BOP1: variants seen among roughly 807,000 people sequenced by gnomAD.
The protein encoded by BOP1 is BOP1 ribosomal biogenesis factor.
BOP1 carries 54 observed loss-of-function variants against 82.9 expected under a neutral mutation model. That is an observed-to-expected ratio of 0.65 (90% confidence interval 0.52 to 0.82). The LOEUF (loss-of-function observed/expected upper bound fraction) is 0.82, where lower values mean the gene tolerates loss of function less well. BOP1 is among the 40% of genes least tolerant of loss of function. The probability of loss-of-function intolerance (pLI) is 0.00; values close to 1 mark genes in which losing one functional copy is unlikely to be tolerated. For synonymous variants in BOP1, 566 were observed against 451.1 expected (o/e 1.25, Z -3.23); for missense variants, 1,170 against 1,072.0 (o/e 1.09, Z -1.28).
At chr8:144,266,694 C>G in intron 3 of BOP1, 1 of 1,240,022 alleles carries the variant, frequency 8.1e-7, no homozygotes, top group Non-Finnish European at 1.0e-6. Flanking sequence ...AGGACGAGGA[C>G]CGCGGCAGCG....
Position 144,280,939 on chromosome 8 carries a change from G to C in BOP1, c.310-4635C>G, listed in dbSNP as rs1341594049. ...ATACCAGGTCTTAGGCCTTCTCTCAGTTTAATACCAGGTCTTTGGCCTTCT... is the reference window on the plus strand; with the variant it reads ...ATACCAGGTCTTAGGCCTTCTCTCACTTTAATACCAGGTCTTTGGCCTTCT... On this transcript the variant is annotated intron_variant, in intron 2 of 15. Transcript: ENST00000569669. Among the ~76,000 whole-genome samples the C allele has an allele frequency of 8.5e-3, 853 of 99,870 alleles. 1 individual carries two copies. The highest frequency in any genetic ancestry group is 0.019 in the African/African-American group (409 of 21,302). The allele number at this position is 99,870 out of a possible 152,430, so 65.5% of individuals were successfully genotyped here. A position where few individuals can be genotyped will look rare whatever the true frequency, so the allele number is the denominator to read the frequency against.
Sources: gnomAD v4.1 joint callset for allele counts (sites outside exome capture counted in the v4.1 genomes callset) on GRCh38, gnomAD v4.1.1 for gene constraint, MANE v1.5 for transcripts, NCBI Gene and HGNC (gene_info 2026-07-23, HGNC 2026-07-21) for gene names.